Variants in CLVS1 observed in about 807,000 individuals in gnomAD.
CLVS1 encodes the protein clavesin 1.
Under a neutral mutation model 33.1 loss-of-function variants are expected in CLVS1, and 10 were observed. That is an observed-to-expected ratio of 0.30 (90% CI 0.19 to 0.51). The LOEUF (loss-of-function observed/expected upper bound fraction) is 0.51. Ranked by LOEUF, CLVS1 falls within the 20% of genes least tolerant of loss-of-function variation. The pLI, the probability that CLVS1 is intolerant of heterozygous loss-of-function variation, is 0.97. For missense variants in CLVS1, 343 were observed against 433.4 expected, an observed-to-expected ratio of 0.79 and a Z score of 1.85; for synonymous variants, 163 against 166.1, an observed-to-expected ratio of 0.98 and a Z score of 0.14.
At chr8:61,283,954 A>AATATATTCCAATATATATTCC (rs1809725155), upstream of CLVS1, among the ~76,000 whole-genome samples, 2 of 152,326 alleles carry the variant, frequency 1.3e-5, no homozygotes, top group African/African-American at 4.8e-5. Flanking sequence ...AAGTTATTCC[A>AATATATTCCAATATATATTCC]ATATATTCCA....
chr8:61,320,269 T>G (rs1329109801), intron 2 of CLVS1, among the ~76,000 whole-genome samples: 1 of 152,182 alleles, frequency 6.6e-6, no homozygotes, highest in Non-Finnish European at 1.5e-5. Context: ...ATGTTACTGT[T>G]TAAAGATTTT....
the CLVS1 span, among the ~76,000 whole-genome samples, chr8:61,027,641 T>C: frequency 2.0e-5 from 3 of 152,206 alleles, no homozygotes; most frequent in African/African-American, 7.2e-5. Flanking sequence ...TACCACTTCA[T>C]GCTTCCTTAC....
intron 2 of CLVS1, among the ~76,000 whole-genome samples, chr8:61,217,321 G>A (rs906626318): frequency 1.3e-5 from 2 of 152,190 alleles, no homozygotes; most frequent in African/African-American, 2.4e-5. Context: ...GGGCTATAGT[G>A]CAGATTGTGA....
At chr8:60,967,355 G>A in the CLVS1 span, among the ~76,000 whole-genome samples, 1 of 152,228 alleles carries the variant, frequency 6.6e-6, no homozygotes, top group Non-Finnish European at 1.5e-5. Flanking sequence ...AAGATGGCTG[G>A]TGAGGACAGG....
chr8:61,459,727 A>T (rs1817302639), intron 5 of CLVS1, among the ~76,000 whole-genome samples: 1 of 152,172 alleles, frequency 6.6e-6, no homozygotes, highest in Non-Finnish European at 1.5e-5. Context: ...TACATCACAT[A>T]CATCTATACA....
chr8:61,117,906 T>A (rs886957492), intron 1 of CLVS1, among the ~76,000 whole-genome samples: 10 of 152,060 alleles, frequency 6.6e-5, no homozygotes, highest in African/African-American at 2.4e-4. Context: ...TAGGGAGGAT[T>A]CCCTCTTTTT....
chr8:61,113,379 C>G (rs1045234386), intron 1 of CLVS1, among the ~76,000 whole-genome samples: 1 of 152,146 alleles, frequency 6.6e-6, no homozygotes, highest in Non-Finnish European at 1.5e-5. Flanking sequence ...TTGAGTGGTG[C>G]AGATGGGTCC....
chr8:61,322,782 T>C lies in CLVS1; in HGVS notation c.455+22500T>C, dbSNP rs755120060. ...TCATCTCAATTAATCAATTAATTAA[T>C]AAATTACTGCAAGAAAACTGAAGAT... On this transcript the variant is annotated intron_variant, in intron 2 of 5. Transcript: ENST00000325897. 7.9e-4 allele frequency among the ~76,000 whole-genome samples: 120 copies of C among 152,296 alleles called. 6 individuals carry two copies. The highest frequency in any genetic ancestry group is 3.5e-4 in the Non-Finnish European group (24 of 68,014).
At chr8:61,388,986 GT>G (rs1311061761) in intron 3 of CLVS1, among the ~76,000 whole-genome samples, 1 of 152,000 alleles carries the variant, frequency 6.6e-6, no homozygotes, top group Non-Finnish European at 1.5e-5. Flanking sequence ...TGAGATCAAC[GT>G]TTTTAAGATC....
chr8:61,275,535 A>C (rs1225328407), intron 2 of CLVS1, among the ~76,000 whole-genome samples: 2 of 152,198 alleles, frequency 1.3e-5, no homozygotes, highest in African/African-American at 4.8e-5. Flanking sequence ...TTAATATAAC[A>C]CTTCATATAT....
chr8:61,256,963 G>A (rs1490631207), intron 2 of CLVS1, among the ~76,000 whole-genome samples: 1 of 152,198 alleles, frequency 6.6e-6, no homozygotes, highest in Admixed American at 6.5e-5. Flanking sequence ...TATAAGACCT[G>A]TAAGGTATTA....
chr8:61,193,130 T>G (rs1209596516), intron 2 of CLVS1, among the ~76,000 whole-genome samples: 3 of 152,102 alleles, frequency 2.0e-5, no homozygotes, highest in Non-Finnish European at 2.9e-5. Context: ...CAAATGTCCA[T>G]CAATGATAGA....
At chr8:61,387,567 G>T (rs181500351) in intron 3 of CLVS1, among the ~76,000 whole-genome samples, 7 of 142,412 alleles carry the variant, frequency 4.9e-5, no homozygotes, top group Admixed American at 7.6e-5. Context: ...TGAGATTTTG[G>T]TGCACCCATC....
upstream of CLVS1, among the ~76,000 whole-genome samples, chr8:61,054,482 G>A (rs923744789): frequency 2.6e-5 from 4 of 152,244 alleles, no homozygotes; most frequent in African/African-American, 9.6e-5. Context: ...TGGGAGACCA[G>A]GGTAGGGGAA....
intron 2 of CLVS1, among the ~76,000 whole-genome samples, chr8:61,203,798 A>G (rs1807787397): frequency 1.3e-5 from 2 of 152,160 alleles, no homozygotes; most frequent in African/African-American, 4.8e-5. Context: ...TGCCCCTTAC[A>G]CAGATTGCTA....
rs183460122 is a variant in CLVS1, at chr8:61,178,879, C to T, written c.-152+47019C>T. On this transcript the variant is annotated intron_variant, in intron 2 of 2. Coordinates refer to the CLVS1 transcript ENST00000522621. ...TATGGAAAGGAAAAACCAGTATCCA[C>T]CACTGCAAAAACACACCAAAATATA... 5.3e-5 allele frequency among the ~76,000 whole-genome samples: 8 copies of T among 152,278 alleles called. No homozygotes were observed. The East Asian group carries it at 1.3e-3, about 26-fold the overall frequency.
At chr8:61,058,200 G>A (rs1422176507) in intron 1 of CLVS1, among the ~76,000 whole-genome samples, 1 of 152,130 alleles carries the variant, frequency 6.6e-6, no homozygotes, top group Non-Finnish European at 1.5e-5. Flanking sequence ...GGCTGAGGCT[G>A]GTGTGCAAAG....
At chr8:61,365,774 TGC>T (rs754914122) in intron 2 of CLVS1, among the ~76,000 whole-genome samples, 1,971 of 134,564 alleles carry the variant, frequency 0.015, 12 homozygotes, top group African/African-American at 0.02. Flanking sequence ...TGTGTGTGTG[TGC>T]GTGTGTGTGT....
At chr8:61,141,509 T>C (rs1806307800) in intron 2 of CLVS1, among the ~76,000 whole-genome samples, 1 of 152,186 alleles carries the variant, frequency 6.6e-6, no homozygotes, top group Non-Finnish European at 1.5e-5. Context: ...CATATGGGCC[T>C]ATAGGCCAAC....
Sources: allele counts gnomAD v4.1 joint callset (sites outside exome capture counted in the v4.1 genomes callset), GRCh38; gene constraint gnomAD v4.1.1; transcripts MANE v1.5; gene names NCBI Gene and HGNC (gene_info 2026-07-23, HGNC 2026-07-21).